The following C10orf67 variants were observed in gnomAD, a reference collection of about 807,000 sequenced individuals.
The protein encoded by C10orf67 is chromosome 10 open reading frame 67, also known as uncharacterized protein C10orf67, mitochondrial.
In C10orf67, 60 loss-of-function variants were observed where a neutral mutation model predicts 35.6. That is an observed-to-expected ratio of 1.68 (90% CI 1.37 to 2.09). The LOEUF (loss-of-function observed/expected upper bound fraction) is 2.09. Ranked by LOEUF, C10orf67 falls within the 30% of genes most tolerant of loss-of-function variation. C10orf67 has a pLI of 0.00. For missense variants in C10orf67, 474 were observed against 330.2 expected (o/e 1.44, Z -3.38); for synonymous variants, 167 against 115.8 (o/e 1.44, Z -2.84).
chr10:23,224,117 C>T (rs1465946281), intron 13 of C10orf67, among the ~76,000 whole-genome samples: 4 of 152,186 alleles, frequency 2.6e-5, no homozygotes, highest in African/African-American at 9.6e-5. Context: ...TGGTTGGAAG[C>T]CACCAAAATT....
At chr10:23,309,032 A>G (rs77812105) in intron 4 of C10orf67, among the ~76,000 whole-genome samples, 1 of 152,124 alleles carries the variant, frequency 6.6e-6, no homozygotes, top group African/African-American at 2.4e-5. Context: ...ACTAATTTTT[A>G]TGTTCTGAAT....
At position 23,252,120 on chromosome 10, in the gene C10orf67, G is replaced by A. The variant is rs749787975; in HGVS notation, c.1201-1429C>T. Among the ~76,000 whole-genome samples the A allele has an allele frequency of 5.1e-4, 78 of 152,034 alleles. 2 individuals are homozygous for A. The highest frequency in any genetic ancestry group is 2.9e-3 in the Admixed American group (44 of 15,258). ...TATTAGAAAGGTGCTAGATCTCTTG[G>A]ATCTGTTCTCCATATTTTAACTTTT... On this transcript the variant is annotated intron_variant, in intron 10 of 15. Coordinates refer to ENST00000636213, the MANE Select transcript of C10orf67 (RefSeq NM_001371909.1).
In C10orf67 at chr10:23,254,369, G is replaced by T. The variant is rs970053403; in HGVS notation, c.1201-3678C>A. On this transcript the variant is annotated intron_variant, in intron 10 of 15. Coordinates refer to ENST00000636213, the MANE Select transcript of C10orf67 (RefSeq NM_001371909.1). ...ATTACAGGTGCCTGCCACCACCCCTGGCTAATTTTTTTGTACTTTTAGTAG... is the reference window on the plus strand; with the variant it reads ...ATTACAGGTGCCTGCCACCACCCCTTGCTAATTTTTTTGTACTTTTAGTAG... 3.9e-5 allele frequency among the ~76,000 whole-genome samples: 6 copies of T among 152,080 alleles called. No individual in the cohort carries two copies. The East Asian group carries it at 7.8e-4, about 20-fold the overall frequency.
intron 15 of C10orf67, among the ~76,000 whole-genome samples, chr10:23,211,477 G>GTC (rs1841304630): frequency 8.2e-6 from 1 of 122,446 alleles, no homozygotes; most frequent in Non-Finnish European, 1.7e-5. Context: ...GTGTGTGTGT[G>GTC]TGGGGGGGGG....
chr10:23,332,942 T>C (rs1845540316), intron 2 of C10orf67, 120 bp downstream of exon 2: 1 of 977,226 alleles, frequency 1.0e-6, no homozygotes, highest in African/African-American at 1.7e-5. Context: ...CATTCAGCTG[T>C]TTGTCAAAGA....
intron 4 of C10orf67, among the ~76,000 whole-genome samples, chr10:23,316,438 C>CTT (rs572701445): frequency 4.9e-4 from 75 of 152,364 alleles, no homozygotes; most frequent in African/African-American, 1.8e-3. Context: ...GGCTGCAGCT[C>CTT]TTCTCTCCGT....
intron 6 of C10orf67, 129 bp downstream of exon 6, chr10:23,291,003 G>A (rs1843703253): frequency 3.4e-6 from 2 of 586,074 alleles, no homozygotes; most frequent in Non-Finnish European, 6.0e-6. Context: ...AAGCAAAGAT[G>A]GCTATGAAAT....
rs1843381828 is a variant in C10orf67 at position 23,282,028 on chromosome 10, T to A, written c.960A>T (p.Ser320=). The change falls in exon 8 of 16, where the codon TCA becomes TCT. Residue 320 remains serine (S), a synonymous_variant. Transcript: ENST00000636213. ...ATCATCTTACCACATCCTGAACTAA[T>A]GATTTTTCATAATGAAGCTCTTCTC... ...RLREELHYEK[S]LVQDVINKQK... is the part of the protein sequence containing the mutation. 1 of 625,800 alleles carries A rather than the reference T, an allele frequency of 1.6e-6. No individual in the cohort carries two copies. Among genetic ancestry groups the A allele is most frequent in the African/African-American group, 1.9e-5 (1 of 52,572 alleles). The allele number at this position is 625,800 out of a possible 1,614,324, so 38.8% of individuals were successfully genotyped here. A position where few individuals can be genotyped will look rare whatever the true frequency, so the allele number is the denominator to read the frequency against.
intron 13 of C10orf67, among the ~76,000 whole-genome samples, chr10:23,237,740 G>A (rs1173627788): frequency 6.6e-6 from 1 of 152,174 alleles, no homozygotes; most frequent in African/African-American, 2.4e-5. Context: ...AAACTAATCT[G>A]TAGTGATAGA....
intron 10 of C10orf67, among the ~76,000 whole-genome samples, chr10:23,257,152 T>C (rs1465569900): frequency 6.6e-6 from 1 of 152,130 alleles, no homozygotes; most frequent in Non-Finnish European, 1.5e-5. Flanking sequence ...GGAGGTGTCC[T>C]ACTATTGCAG....
At chr10:23,336,927 T>C (rs1340392839) in intron 1 of C10orf67, among the ~76,000 whole-genome samples, 1 of 152,122 alleles carries the variant, frequency 6.6e-6, no homozygotes, top group Non-Finnish European at 1.5e-5. Flanking sequence ...AGCAAAAGTA[T>C]AAAATGAGCC....
intron 5 of C10orf67, among the ~76,000 whole-genome samples, chr10:23,301,250 C>A (rs544737724): frequency 1.3e-5 from 2 of 152,288 alleles, no homozygotes; most frequent in Admixed American, 1.3e-4. Context: ...CAGGTTTCTG[C>A]CTCTAGTCGG....
At chr10:23,283,355 A>G (rs1843427479) in intron 7 of C10orf67, among the ~76,000 whole-genome samples, 1 of 152,190 alleles carries the variant, frequency 6.6e-6, no homozygotes, top group Non-Finnish European at 1.5e-5. Flanking sequence ...TATGCATTCA[A>G]TTTAATTAAT....
At chr10:23,230,380 C>T (rs769274122) in intron 13 of C10orf67, among the ~76,000 whole-genome samples, 6 of 151,832 alleles carry the variant, frequency 4.0e-5, no homozygotes, top group African/African-American at 9.7e-5. Context: ...GAGAATAATA[C>T]ATTTGTGATT....
intron 15 of C10orf67, among the ~76,000 whole-genome samples, chr10:23,216,883 G>C (rs1379184291): frequency 6.6e-6 from 1 of 152,128 alleles, no homozygotes; most frequent in Non-Finnish European, 1.5e-5. Context: ...GGGAGAGAAG[G>C]AGGAATGATA....
At chr10:23,306,385 A>G (rs976174098) in intron 4 of C10orf67, among the ~76,000 whole-genome samples, 2 of 152,044 alleles carry the variant, frequency 1.3e-5, no homozygotes, top group Non-Finnish European at 2.9e-5. Context: ...TTAGCTGGGC[A>G]TGGTGGCGGA....
chr10:23,238,303 C>T (rs1842097217), intron 13 of C10orf67, among the ~76,000 whole-genome samples: 1 of 152,212 alleles, frequency 6.6e-6, no homozygotes, highest in Admixed American at 6.5e-5. Flanking sequence ...CTCCCCTTCC[C>T]CATCAGTTTT....
chr10:23,316,406 C>T (rs188882281), intron 4 of C10orf67, among the ~76,000 whole-genome samples: 1 of 152,328 alleles, frequency 6.6e-6, no homozygotes, highest in Admixed American at 6.5e-5. Flanking sequence ...TCAGGGAGCT[C>T]CTAGGTCTGG....
At chr10:23,257,507 A>G (rs753333772) in intron 10 of C10orf67, among the ~76,000 whole-genome samples, 2 of 152,142 alleles carry the variant, frequency 1.3e-5, no homozygotes, top group Non-Finnish European at 2.9e-5. Flanking sequence ...CCACAAAAAG[A>G]ATATCAAAAC....
Sources: gnomAD v4.1 joint callset for allele counts (sites outside exome capture counted in the v4.1 genomes callset) on GRCh38, gnomAD v4.1.1 for gene constraint, MANE v1.5 for transcripts, NCBI Gene and HGNC (gene_info 2026-07-23, HGNC 2026-07-21) for gene names.